SUPT16H: variants seen among roughly 807,000 people sequenced by gnomAD.
SUPT16H encodes the protein FACT complex subunit SPT16.
Under a neutral mutation model 136.2 loss-of-function variants are expected in SUPT16H, and 24 were observed. The ratio of observed to expected loss-of-function variants is 0.18; its 90% CI spans 0.13 to 0.25. The LOEUF (loss-of-function observed/expected upper bound fraction) is 0.25, where lower values mean the gene tolerates loss of function less well. Ranked by LOEUF, SUPT16H falls within the 10% of genes least tolerant of loss-of-function variation. The pLI, the probability that SUPT16H is intolerant of heterozygous loss-of-function variation, is 1.00. For synonymous variants in SUPT16H, 415 were observed against 428.2 expected, an observed-to-expected ratio of 0.97 and a Z score of 0.38; for missense variants, 623 against 1,270.2, an observed-to-expected ratio of 0.49 and a Z score of 7.74.
intron 1 of SUPT16H, among the ~76,000 whole-genome samples, chr14:21,376,550 A>G (rs1306329287): frequency 1.3e-5 from 2 of 152,138 alleles, no homozygotes; most frequent in African/African-American, 4.8e-5. Flanking sequence ...TTTCTCATTG[A>G]TTTTCAGTAA....
Position 21,352,561 on chromosome 14 carries a change from C to A in SUPT16H, c.*112G>T. On this transcript the variant is annotated 3_prime_UTR_variant, in exon 26 of 26. Transcript: ENST00000216297. Reference sequence around the variant, plus strand: ...AAATGGCCCCCTAAACCCATAAACACAAATGGCAAAACTTCAAATGAAAAC... The same window carrying A: ...AAATGGCCCCCTAAACCCATAAACAAAAATGGCAAAACTTCAAATGAAAAC... 1 of 1,556,136 alleles carries A rather than the reference C, an allele frequency of 6.4e-7. No individual in the cohort carries two copies. The highest frequency in any genetic ancestry group is 8.7e-7 in the Non-Finnish European group (1 of 1,151,594).
chr14:21,366,357 A>C, intron 8 of SUPT16H, 82 bp downstream of exon 8: 1 of 1,303,226 alleles, frequency 7.7e-7, no homozygotes, highest in Non-Finnish European at 1.1e-6. Context: ...TGAATCAATC[A>C]ATTAGCCTAA....
Position 21,359,348 on chromosome 14 carries a change from G to C in SUPT16H, c.2301+136C>G, listed in dbSNP as rs1886502726. 2.4e-6 allele frequency: 3 copies of C among 1,225,938 alleles called. No homozygotes were observed. The South Asian group carries it at 4.4e-5, about 18-fold the overall frequency. 75.9% of individuals were successfully genotyped at this position (1,225,938 alleles called of 1,614,324 possible). On this transcript the variant is annotated intron_variant, in intron 19 of 25. Transcript: ENST00000216297. ...GACCCTCAGGTGATCTGCCCATGTT[G>C]GCCTCCCAAAGTGCTGGGATTACAG...
chr14:21,355,967 A>G (rs1272785518), intron 22 of SUPT16H, among the ~76,000 whole-genome samples: 1 of 152,224 alleles, frequency 6.6e-6, no homozygotes, highest in Non-Finnish European at 1.5e-5. Context: ...GATAAAAAGC[A>G]GCACAAGACC....
At chr14:21,377,640 T>A (rs537326277) in intron 1 of SUPT16H, among the ~76,000 whole-genome samples, 1 of 150,542 alleles carries the variant, frequency 6.6e-6, no homozygotes, top group African/African-American at 2.4e-5. Context: ...TATTCTTTTT[T>A]TGAGACACAG....
rs534824110 is a variant in SUPT16H at position 21,366,732 on chromosome 14, C to T, written c.956-203G>A. Among the ~76,000 whole-genome samples the T allele has an allele frequency of 2.8e-3, 426 of 151,788 alleles. 4 individuals carry two copies. Among genetic ancestry groups the T allele is most frequent in the African/African-American group, 8.0e-3 (329 of 41,358 alleles). On this transcript the variant is annotated intron_variant, in intron 7 of 25. Coordinates refer to ENST00000216297, the MANE Select transcript of SUPT16H (RefSeq NM_007192.4). ...TAGCATGATTACGGATCACTGCAGC[C>T]CTGACCTCCCAGACTCAATGATCCT...
chr14:21,363,619 GAATA>G (rs1165654705), intron 10 of SUPT16H, 116 bp from the exon 11 acceptor site: 2 of 847,114 alleles, frequency 2.4e-6, no homozygotes, highest in South Asian at 1.6e-5. Context: ...GTTTGACAAT[GAATA>G]AATATAGTTT....
At chr14:21,371,791 C>T in intron 3 of SUPT16H, 83 bp downstream of exon 3, 2 of 1,529,470 alleles carry the variant, frequency 1.3e-6, no homozygotes, top group Non-Finnish European at 1.8e-6. Flanking sequence ...CCTGCGCATT[C>T]TTTCAAACTC....
In SUPT16H at chr14:21,351,832, G is replaced by C. The variant is rs778873611; in HGVS notation, c.*841C>G. 3 of 152,846 alleles carry C rather than the reference G, an allele frequency of 2.0e-5. No homozygotes were observed. Among genetic ancestry groups the C allele is most frequent in the Non-Finnish European group, 4.4e-5 (3 of 68,244 alleles). The allele number at this position is 152,846 out of a possible 1,614,324, so 9.5% of individuals were successfully genotyped here. A position where few individuals can be genotyped will look rare whatever the true frequency, so the allele number is the denominator to read the frequency against. On this transcript the variant is annotated 3_prime_UTR_variant, in exon 26 of 26. Coordinates refer to ENST00000216297, the MANE Select transcript of SUPT16H (RefSeq NM_007192.4). Reference sequence around the variant, plus strand: ...CTTCCTCTTCTCTTTTCTCATCAGGGTATTCTAGGCCCAAGGCATGACTTG... The same window carrying C: ...CTTCCTCTTCTCTTTTCTCATCAGGCTATTCTAGGCCCAAGGCATGACTTG...
intron 1 of SUPT16H, among the ~76,000 whole-genome samples, chr14:21,379,380 G>C (rs1272690465): frequency 6.7e-6 from 1 of 150,160 alleles, no homozygotes; most frequent in Non-Finnish European, 1.5e-5. Context: ...AGGTTGCAGT[G>C]AGCTGAGAAT....
At chr14:21,358,459 T>C (rs974750203) in intron 19 of SUPT16H, 32 bp from the exon 20 acceptor site, 1 of 1,494,474 alleles carries the variant, frequency 6.7e-7, no homozygotes, top group South Asian at 1.1e-5. Context: ...AATACAGCCA[T>C]CACATTTGTT....
At chr14:21,378,662 G>A (rs1185880615) in intron 1 of SUPT16H, among the ~76,000 whole-genome samples, 1 of 152,156 alleles carries the variant, frequency 6.6e-6, no homozygotes, top group African/African-American at 2.4e-5. Context: ...ATGACACAAA[G>A]AAGTTAAATT....
At chr14:21,368,926 G>C (rs541701949) in intron 6 of SUPT16H, among the ~76,000 whole-genome samples, 34 of 152,218 alleles carry the variant, frequency 2.2e-4, no homozygotes, top group African/African-American at 7.7e-4. Context: ...AAGTGTGTAG[G>C]GGGGCAGGCG....
chr14:21,353,674 C>A, intron 24 of SUPT16H, 29 bp downstream of exon 24: 2 of 1,606,552 alleles, frequency 1.2e-6, no homozygotes, highest in Non-Finnish European at 1.7e-6. Flanking sequence ...ATTAGGAAGC[C>A]AGGACGAACT....
rs372231068 is a variant in SUPT16H, at chr14:21,363,542, G to A, written c.1234-39C>T. On this transcript the variant is annotated intron_variant, in intron 10 of 25. Transcript: ENST00000216297. ...GAGAATGAAGACACATTATTTAAAA[G>A]AGGCAATTTCATTTTCTAACCTAGT... 14 of 1,580,832 alleles carry A rather than the reference G, an allele frequency of 8.9e-6. No homozygotes were observed. The African/African-American group carries it at 1.9e-4, about 21-fold the overall frequency.
At chr14:21,364,715 G>A (rs1271399120) in intron 10 of SUPT16H, 112 bp downstream of exon 10, 15 of 844,006 alleles carry the variant, frequency 1.8e-5, no homozygotes, top group African/African-American at 6.7e-5. Context: ...GCTGTCACAC[G>A]GATTCTTCCC....
chr14:21,368,375 G>A lies in SUPT16H; in HGVS notation c.849C>T (p.Cys283=), dbSNP rs1886715794. 1.2e-6 allele frequency: 2 copies of A among 1,614,114 alleles called. No individual in the cohort carries two copies. The highest frequency in any genetic ancestry group is 1.7e-4 in the Middle Eastern group (1 of 6,060). ...CAMGIRFKSY[C]SNLVRTLMVD... Reference sequence around the variant, plus strand: ...CCATCAAAGTGCGAACAAGGTTGGAGCAGTAAGACTTGAAGCGAATACCCA... The same window carrying A: ...CCATCAAAGTGCGAACAAGGTTGGAACAGTAAGACTTGAAGCGAATACCCA... Residue 283 remains cysteine (C), a synonymous_variant, in exon 7 of 26, where the codon TGC becomes TGT. Transcript: ENST00000216297.
At chr14:21,372,075 T>C in intron 2 of SUPT16H, 31 bp from the exon 3 acceptor site, 14 of 1,583,086 alleles carry the variant, frequency 8.8e-6, no homozygotes, top group Non-Finnish European at 1.0e-5. Context: ...GACAACGGTA[T>C]TTACAGATAC....
At chr14:21,358,081 TC>T (rs1886473476) in intron 20 of SUPT16H, 79 bp from the exon 21 acceptor site, 1 of 1,333,206 alleles carries the variant, frequency 7.5e-7, no homozygotes, top group African/African-American at 1.5e-5. Context: ...TTCTTCCCTC[TC>T]CCCATTCCAA....
Sources: allele counts gnomAD v4.1 joint callset (sites outside exome capture counted in the v4.1 genomes callset), GRCh38; gene constraint gnomAD v4.1.1; transcripts MANE v1.5; gene names NCBI Gene and HGNC (gene_info 2026-07-23, HGNC 2026-07-21).